The following CERKL variants were observed in gnomAD, a reference collection of about 807,000 sequenced individuals.
The protein encoded by CERKL is CERK like autophagy regulator, also known as ceramide kinase-like protein.
Under a neutral mutation model 63.4 loss-of-function variants are expected in CERKL, and 61 were observed. That is an observed-to-expected ratio of 0.96 (90% CI 0.78 to 1.19). The LOEUF (loss-of-function observed/expected upper bound fraction) is 1.19, where lower values mean the gene tolerates loss of function less well. Among genes scored for constraint, CERKL ranks in the 50% most tolerant of loss-of-function variants. The pLI is 0.00. For synonymous variants in CERKL, 250 were observed against 230.5 expected (o/e 1.08, Z -0.77); for missense variants, 675 against 655.5 (o/e 1.03, Z -0.33).
intron 1 of CERKL, among the ~76,000 whole-genome samples, chr2:181,624,443 G>A (rs925660777): frequency 6.6e-6 from 1 of 152,074 alleles, no homozygotes; most frequent in Non-Finnish European, 1.5e-5. Flanking sequence ...GCTAAGGCAG[G>A]AGGATCACTT....
intron 1 of CERKL, among the ~76,000 whole-genome samples, chr2:181,609,049 T>A (rs556433848): frequency 5.3e-5 from 8 of 152,176 alleles, no homozygotes; most frequent in African/African-American, 1.9e-4. Flanking sequence ...AAGGATTGAA[T>A]AAGTGGAGAT....
At chr2:181,654,697 T>A (rs1328185070) in intron 1 of CERKL, among the ~76,000 whole-genome samples, 5 of 152,196 alleles carry the variant, frequency 3.3e-5, no homozygotes, top group Admixed American at 1.3e-4. Flanking sequence ...CACTCACATC[T>A]AAGCTTATTC....
At chr2:181,566,021 A>C (rs1265979390) in intron 4 of CERKL, 37 bp downstream of exon 4, 5 of 1,347,944 alleles carry the variant, frequency 3.7e-6, no homozygotes, top group Non-Finnish European at 5.3e-6. Context: ...TTAATACATA[A>C]ATGATATAAC....
chr2:181,654,160 T>TAAAA (rs553111069), intron 1 of CERKL, among the ~76,000 whole-genome samples: 1 of 143,232 alleles, frequency 7.0e-6, no homozygotes, highest in African/African-American at 2.6e-5. Context: ...TTTCTCTACT[T>TAAAA]AAAAAAAAAA....
At chr2:181,634,099 C>T (rs1248072758) in intron 1 of CERKL, among the ~76,000 whole-genome samples, 3 of 152,124 alleles carry the variant, frequency 2.0e-5, no homozygotes, top group African/African-American at 2.4e-5. Flanking sequence ...TTTAAAATAA[C>T]ATCCATAGAC....
At chr2:181,602,213 T>G (rs1402640649) in intron 2 of CERKL, among the ~76,000 whole-genome samples, 1 of 152,212 alleles carries the variant, frequency 6.6e-6, no homozygotes, top group Non-Finnish European at 1.5e-5. Flanking sequence ...TGCCTCAGTG[T>G]AGCCCTTCAT....
chr2:181,654,140 A>G (rs905478170), intron 1 of CERKL, among the ~76,000 whole-genome samples: 7 of 151,830 alleles, frequency 4.6e-5, no homozygotes, highest in Middle Eastern at 3.2e-3. Context: ...TATATCACAC[A>G]TTTAAAATAT....
intron 1 of CERKL, among the ~76,000 whole-genome samples, chr2:181,646,329 C>A (rs535372051): frequency 1.1e-4 from 17 of 152,306 alleles, no homozygotes; most frequent in African/African-American, 4.1e-4. Context: ...ATTGTATTAT[C>A]TAACCCACAT....
intron 1 of CERKL, among the ~76,000 whole-genome samples, chr2:181,618,753 T>C (rs961872013): frequency 6.6e-6 from 1 of 152,228 alleles, no homozygotes; most frequent in Non-Finnish European, 1.5e-5. Flanking sequence ...AATGTCTATT[T>C]AATTTCTAAT....
chr2:181,616,405 T>G (rs1574501905), intron 1 of CERKL, among the ~76,000 whole-genome samples: 2 of 151,698 alleles, frequency 1.3e-5, no homozygotes, highest in Non-Finnish European at 2.9e-5. Context: ...GTAGAGACGG[T>G]GTTTCACTGT....
Position 181,547,690 on chromosome 2 carries a change from A to G in CERKL, c.1196T>C (p.Phe399Ser). ...AATTGCCATAATGCTGACATTCAAG[A>G]ACTGACCCTGGATCATTTGCCATTG... ...NDQWQMIQGQFLNVSIMAIPC... is the reference protein window; with the variant it reads ...NDQWQMIQGQSLNVSIMAIPC... The change falls in exon 10 of 13, where the codon TTC becomes TCC. Residue 399 changes from phenylalanine (F) to serine (S), a missense_variant. Coordinates refer to ENST00000410087, the MANE Select transcript of CERKL (RefSeq NM_201548.5). 6.2e-7 allele frequency: 1 copy of G among 1,614,076 alleles called. No individual in the cohort carries two copies. Among genetic ancestry groups the G allele is most frequent in the Non-Finnish European group, 8.5e-7 (1 of 1,179,966 alleles).
chr2:181,589,871 C>A (rs1574476978), intron 2 of CERKL, among the ~76,000 whole-genome samples: 1 of 152,180 alleles, frequency 6.6e-6, no homozygotes. Context: ...GTTGCCTAGG[C>A]TGGAGTGCAA....
At chr2:181,559,770 A>C (rs1368436268) in intron 4 of CERKL, among the ~76,000 whole-genome samples, 2 of 152,190 alleles carry the variant, frequency 1.3e-5, no homozygotes, top group African/African-American at 4.8e-5. Context: ...GAAGCTCTGG[A>C]GGGTGGTGAC....
intron 1 of CERKL, among the ~76,000 whole-genome samples, chr2:181,605,905 A>G (rs1206208333): frequency 6.6e-6 from 1 of 152,066 alleles, no homozygotes. Context: ...TCATATGCTC[A>G]CTAAGAAGTT....
At chr2:181,623,045 T>C (rs1676371060) in intron 1 of CERKL, among the ~76,000 whole-genome samples, 1 of 152,232 alleles carries the variant, frequency 6.6e-6, no homozygotes, top group South Asian at 2.1e-4. Flanking sequence ...AGTTCCTCTA[T>C]GTAAGGAAAG....
rs1477119314 is a variant in CERKL, at chr2:181,558,538, T to G, written c.820+28A>C. 6.2e-7 allele frequency: 1 copy of G among 1,610,892 alleles called. No individual in the cohort carries two copies. The highest frequency in any genetic ancestry group is 1.7e-5 in the Admixed American group (1 of 59,934). On this transcript the variant is annotated intron_variant, in intron 5 of 12. Coordinates refer to ENST00000410087, the MANE Select transcript of CERKL (RefSeq NM_201548.5). This position sits in a 1 kb window ranked among gnomAD's most constrained non-coding sequence, Gnocchi z 4.2. ...AAAGGAAAAGAGGGAGAAGGGTCAG[T>G]TTAATGAATCTGTAGCCACTCCCTT... is the stretch of plus-strand genomic sequence containing the variant.
intron 1 of CERKL, among the ~76,000 whole-genome samples, chr2:181,640,091 CTATTTT>C (rs1262616733): frequency 8.5e-5 from 13 of 152,178 alleles, no homozygotes; most frequent in Non-Finnish European, 1.6e-4. Context: ...CCAATGGTAA[CTATTTT>C]TGGTGCCTAT....
chr2:181,583,878 G>T lies in CERKL; in HGVS notation c.482-9994C>A, dbSNP rs546901666. On this transcript the variant is annotated intron_variant, in intron 2 of 12. Coordinates refer to ENST00000410087, the MANE Select transcript of CERKL (RefSeq NM_201548.5). Reference sequence around the variant, plus strand: ...AAAAGTTAACTATAAAAGACATTATGGAAAATATGGAGAATTTGACTATGG... The same window carrying T: ...AAAAGTTAACTATAAAAGACATTATTGAAAATATGGAGAATTTGACTATGG... 3.3e-5 allele frequency among the ~76,000 whole-genome samples: 5 copies of T among 152,268 alleles called. No homozygotes were observed. The South Asian group carries it at 1.0e-3, about 32-fold the overall frequency.
chr2:181,540,003 CTAAT>C (rs1470109719), intron 11 of CERKL, among the ~76,000 whole-genome samples: 2 of 152,154 alleles, frequency 1.3e-5, no homozygotes, highest in Non-Finnish European at 2.9e-5. Context: ...AGATACATTC[CTAAT>C]TAAACATCAT....
Sources: allele counts gnomAD v4.1 joint callset (sites outside exome capture counted in the v4.1 genomes callset), GRCh38; gene constraint gnomAD v4.1.1; non-coding constraint Gnocchi (gnomAD v3.1); transcripts MANE v1.5; gene names NCBI Gene and HGNC (gene_info 2026-07-23, HGNC 2026-07-21).